RHBDD1: variants seen among roughly 807,000 people sequenced by gnomAD.
RHBDD1 encodes rhomboid domain containing 1.
Under a neutral mutation model 36.3 loss-of-function variants are expected in RHBDD1, and 38 were observed. That is an observed-to-expected ratio of 1.05 (90% CI 0.81 to 1.37). The LOEUF is 1.37. Among genes scored for constraint, RHBDD1 ranks in the 40% most tolerant of loss-of-function variants. The probability of loss-of-function intolerance (pLI) is 0.00; values close to 1 mark genes in which losing one functional copy is unlikely to be tolerated. For missense variants in RHBDD1, 393 were observed against 377.6 expected, an observed-to-expected ratio of 1.04 and a Z score of -0.34; for synonymous variants, 151 against 136.5, an observed-to-expected ratio of 1.11 and a Z score of -0.74.
intron 8 of RHBDD1, among the ~76,000 whole-genome samples, chr2:226,928,604 T>A (rs1027503473): frequency 1.3e-5 from 2 of 150,900 alleles, no homozygotes. Context: ...AGTAGAGAAA[T>A]GAGAACCAAC....
chr2:226,869,800 G>A (rs1043567691), intron 5 of RHBDD1, among the ~76,000 whole-genome samples: 1 of 152,142 alleles, frequency 6.6e-6, no homozygotes, highest in African/African-American at 2.4e-5. Flanking sequence ...TTCACATCCG[G>A]CTTTCCATTT....
At chr2:226,817,535 C>T in the RHBDD1 span, among the ~76,000 whole-genome samples, 1 of 152,182 alleles carries the variant, frequency 6.6e-6, no homozygotes, top group Non-Finnish European at 1.5e-5. Flanking sequence ...AGACATTTGT[C>T]ATTATGAAGT....
At chr2:226,858,662 T>C (rs1943553352) in intron 3 of RHBDD1, among the ~76,000 whole-genome samples, 2 of 152,228 alleles carry the variant, frequency 1.3e-5, no homozygotes, top group Admixed American at 6.5e-5. Flanking sequence ...TTTCCCTTTT[T>C]ACTCCTTTCT....
At chr2:226,840,943 G>A (rs192602170) in intron 3 of RHBDD1, among the ~76,000 whole-genome samples, 281 of 151,606 alleles carry the variant, frequency 1.9e-3, no homozygotes, top group African/African-American at 6.5e-3. Context: ...ATTTCACTAC[G>A]TTTTTTAAAA....
the RHBDD1 span, among the ~76,000 whole-genome samples, chr2:226,813,394 T>C: frequency 6.6e-6 from 1 of 152,168 alleles, no homozygotes; most frequent in Non-Finnish European, 1.5e-5. Flanking sequence ...TCATGTTAGA[T>C]AGATCACTCT....
At chr2:226,873,566 G>C (rs1334270638) in intron 5 of RHBDD1, among the ~76,000 whole-genome samples, 1 of 152,228 alleles carries the variant, frequency 6.6e-6, no homozygotes, top group Non-Finnish European at 1.5e-5. Context: ...TGTTTCTGTT[G>C]AGAGGGGGTT....
intron 3 of RHBDD1, among the ~76,000 whole-genome samples, chr2:226,841,601 A>G (rs1372216964): frequency 1.3e-5 from 2 of 152,130 alleles, no homozygotes; most frequent in Non-Finnish European, 2.9e-5. Context: ...AATGGCTTCT[A>G]GCTTTATCCA....
intron 4 of RHBDD1, 112 bp from the exon 5 acceptor site, chr2:226,867,074 A>T: frequency 2.7e-6 from 3 of 1,112,472 alleles, no homozygotes; most frequent in South Asian, 3.2e-5. Context: ...TTTAAAGCAC[A>T]AAGTTGGATG....
intron 2 of RHBDD1, among the ~76,000 whole-genome samples, chr2:226,838,539 GAA>G (rs1941256780): frequency 6.6e-6 from 1 of 152,122 alleles, no homozygotes; most frequent in Admixed American, 6.6e-5. Flanking sequence ...TCAGGCCATT[GAA>G]TTAAATGAAA....
chr2:226,959,983 C>T (rs1055576763), intron 8 of RHBDD1, among the ~76,000 whole-genome samples: 21 of 152,162 alleles, frequency 1.4e-4, no homozygotes, highest in East Asian at 1.9e-4. Context: ...CCACCATGCC[C>T]GGCTAATTTT....
rs984240433 is a variant in RHBDD1, at chr2:226,997,772, G to A, written c.*2250G>A. The A allele has an allele frequency of 6.6e-6, 1 of 152,200 alleles. No individual in the cohort carries two copies. The highest frequency in any genetic ancestry group is 1.5e-5 in the Non-Finnish European group (1 of 68,036). The allele number at this position is 152,200 out of a possible 1,614,324, so 9.4% of individuals were successfully genotyped here. A position where few individuals can be genotyped will look rare whatever the true frequency, so the allele number is the denominator to read the frequency against. Reference sequence around the variant, plus strand: ...ATGGAGTGGAACATCTTAGTGATGTGAGAAAGGTCATTTTAGTTATAAATG... The same window carrying A: ...ATGGAGTGGAACATCTTAGTGATGTAAGAAAGGTCATTTTAGTTATAAATG... On this transcript the variant is annotated 3_prime_UTR_variant, in exon 9 of 9. Coordinates refer to ENST00000392062, the MANE Select transcript of RHBDD1 (RefSeq NM_001167608.3).
At chr2:226,941,332 C>A (rs142881276) in intron 8 of RHBDD1, among the ~76,000 whole-genome samples, 1 of 152,206 alleles carries the variant, frequency 6.6e-6, no homozygotes, top group African/African-American at 2.4e-5. Flanking sequence ...ACTTCTCCAT[C>A]GGCCTTCAGC....
chr2:226,861,387 A>G (rs1461010239), intron 3 of RHBDD1, among the ~76,000 whole-genome samples: 1 of 152,170 alleles, frequency 6.6e-6, no homozygotes, highest in African/African-American at 2.4e-5. Context: ...AGACAGAAAG[A>G]CACCTTTTCA....
At chr2:226,985,563 A>G (rs1232434986) in intron 8 of RHBDD1, among the ~76,000 whole-genome samples, 1 of 152,248 alleles carries the variant, frequency 6.6e-6, no homozygotes, top group East Asian at 1.9e-4. Flanking sequence ...TCGGGTGGAT[A>G]TGTTCAGTTG....
At chr2:226,938,399 A>G (rs1246606383) in intron 8 of RHBDD1, among the ~76,000 whole-genome samples, 1 of 152,002 alleles carries the variant, frequency 6.6e-6, no homozygotes, top group African/African-American at 2.4e-5. Flanking sequence ...CACTTTGTTG[A>G]TAGTTTCTTT....
chr2:226,834,527 C>T (rs1940822806), upstream of RHBDD1, among the ~76,000 whole-genome samples: 1 of 152,176 alleles, frequency 6.6e-6, no homozygotes. Context: ...ACACCCACAC[C>T]TATGCATGAG....
chr2:226,868,183 C>T lies in RHBDD1; in HGVS notation c.566+865C>T, dbSNP rs199857510. Among the ~76,000 whole-genome samples the T allele has an allele frequency of 4.6e-5, 7 of 152,212 alleles. No individual in the cohort carries two copies. The East Asian group carries it at 1.3e-3, about 29-fold the overall frequency. On this transcript the variant is annotated intron_variant, in intron 5 of 8. Coordinates refer to ENST00000392062, the MANE Select transcript of RHBDD1 (RefSeq NM_001167608.3). ...TCACCTTACTCCCATGTTGCTGTGG[C>T]TTCCTCAGAGGAGGCACCTCCACAA...
chr2:226,886,583 A>C (rs1447128510), intron 5 of RHBDD1, among the ~76,000 whole-genome samples: 1 of 152,242 alleles, frequency 6.6e-6, no homozygotes, highest in Admixed American at 6.5e-5. Context: ...TGACAAGATT[A>C]GGCTACAAAG....
At chr2:226,969,632 C>T (rs928168634) in intron 8 of RHBDD1, among the ~76,000 whole-genome samples, 1 of 152,082 alleles carries the variant, frequency 6.6e-6, no homozygotes, top group Non-Finnish European at 1.5e-5. Flanking sequence ...GACTTCTTTC[C>T]TTTTCAGAAC....
Sources: gnomAD v4.1 joint callset for allele counts (sites outside exome capture counted in the v4.1 genomes callset) on GRCh38, gnomAD v4.1.1 for gene constraint, MANE v1.5 for transcripts, NCBI Gene and HGNC (gene_info 2026-07-23, HGNC 2026-07-21) for gene names.